Variants in ACOXL observed in about 807,000 individuals in gnomAD.
The protein encoded by ACOXL is acyl-coenzyme A oxidase-like protein.
ACOXL carries 70 observed loss-of-function variants against 71.9 expected under a neutral mutation model. That is an observed-to-expected ratio of 0.97 (90% CI 0.80 to 1.19). The LOEUF (loss-of-function observed/expected upper bound fraction) is 1.19. Ranked by LOEUF, ACOXL falls within the 50% of genes most tolerant of loss-of-function variation. The pLI is 0.00. For missense variants in ACOXL, 703 were observed against 736.3 expected (o/e 0.95, Z 0.52); for synonymous variants, 253 against 281.6 (o/e 0.90, Z 1.02).
intron 11 of ACOXL, among the ~76,000 whole-genome samples, chr2:110,924,386 C>T (rs1446539965): frequency 6.6e-6 from 1 of 152,222 alleles, no homozygotes; most frequent in African/African-American, 2.4e-5. Context: ...TGCCATTTGG[C>T]AGCGTTTTAC....
At chr2:110,818,642 G>A (rs943259344) in intron 9 of ACOXL, among the ~76,000 whole-genome samples, 2 of 151,892 alleles carry the variant, frequency 1.3e-5, no homozygotes, top group African/African-American at 4.8e-5. Flanking sequence ...GGGGATGGGG[G>A]AGATTTAGGT....
intron 12 of ACOXL, among the ~76,000 whole-genome samples, chr2:110,938,513 T>C (rs190958790): frequency 6.6e-5 from 10 of 152,286 alleles, no homozygotes; most frequent in Non-Finnish European, 1.3e-4. Flanking sequence ...ATTTTACAAA[T>C]GAGTAAACTG....
At chr2:111,093,465 T>A in intron 17 of ACOXL, 1 of 1,614,024 alleles carries the variant, frequency 6.2e-7, no homozygotes, top group Non-Finnish European at 8.5e-7. Flanking sequence ...AAAACACATT[T>A]CTGATTACAT....
Position 111,031,675 on chromosome 2 carries a change from C to CT in ACOXL, c.1330_1331insT (p.His444LeufsTer28), listed in dbSNP as rs776820058. ...TTTCCATGCCTGGAACTCGTGTCTGCACCACGTGGCTTCTCTGTCCCTGGC... is the reference window on the plus strand; with the variant it reads ...TTTCCATGCCTGGAACTCGTGTCTGCTACCACGTGGCTTCTCTGTCCCTGGC... On this transcript the variant is annotated frameshift_variant, in exon 15 of 18. Coordinates refer to ENST00000439055, the MANE Select transcript of ACOXL (RefSeq NM_001142807.4). LOFTEE classifies it high-confidence loss of function. 5.6e-6 allele frequency: 9 copies of CT among 1,614,170 alleles called. No individual in the cohort carries two copies. The East Asian group carries it at 2.0e-4, about 36-fold the overall frequency.
intron 1 of ACOXL, among the ~76,000 whole-genome samples, chr2:110,753,430 C>T (rs1679266229): frequency 6.6e-6 from 1 of 152,192 alleles, no homozygotes. Context: ...TCCAGGTGGA[C>T]TATTTATAAG....
At chr2:110,938,666 G>A (rs901400318) in intron 12 of ACOXL, among the ~76,000 whole-genome samples, 13 of 152,142 alleles carry the variant, frequency 8.5e-5, no homozygotes, top group Non-Finnish European at 2.9e-5. Context: ...ATAGACTGAT[G>A]TGCACAGACA....
intron 10 of ACOXL, among the ~76,000 whole-genome samples, chr2:110,850,165 G>T (rs1442623011): frequency 6.6e-6 from 1 of 152,192 alleles, no homozygotes; most frequent in Non-Finnish European, 1.5e-5. Flanking sequence ...CCTTCTGGAA[G>T]AAAACATAGA....
chr2:110,905,245 T>G (rs543507157), intron 10 of ACOXL, among the ~76,000 whole-genome samples: 1 of 151,814 alleles, frequency 6.6e-6, no homozygotes, highest in Admixed American at 6.6e-5. Context: ...AAGTCTCAAT[T>G]TGGGGAGAGG....
intron 1 of ACOXL, among the ~76,000 whole-genome samples, chr2:110,758,201 T>C (rs1318460231): frequency 6.6e-6 from 1 of 152,178 alleles, no homozygotes; most frequent in Non-Finnish European, 1.5e-5. Flanking sequence ...TAGATGCTTG[T>C]AGGTGTGCAG....
chr2:111,081,692 C>CA (rs1334721674), intron 16 of ACOXL, among the ~76,000 whole-genome samples: 9 of 151,986 alleles, frequency 5.9e-5, no homozygotes, highest in African/African-American at 1.9e-4. Flanking sequence ...CATATGGAAC[C>CA]AAAAAAGAGC....
rs377336119 is a variant in ACOXL, at chr2:110,969,370, C to A, written c.1060-17738C>A. 4.6e-5 allele frequency among the ~76,000 whole-genome samples: 7 copies of A among 152,184 alleles called. No homozygotes were observed. In the East Asian group the frequency reaches 1.2e-3, roughly 25 times the overall value. Reference sequence around the variant, plus strand: ...AAGCCAGGAGAACAATAGAGAAAATCCATGAAACAAAAGGCTGGCTCTGAA... The same window carrying A: ...AAGCCAGGAGAACAATAGAGAAAATACATGAAACAAAAGGCTGGCTCTGAA... On this transcript the variant is annotated intron_variant, in intron 12 of 17. Transcript: ENST00000439055.
intron 10 of ACOXL, among the ~76,000 whole-genome samples, chr2:110,890,956 C>T (rs1574009625): frequency 6.6e-6 from 1 of 151,920 alleles, no homozygotes; most frequent in Non-Finnish European, 1.5e-5. Context: ...TCTTTAATTT[C>T]TTTCAACTTT....
At position 110,943,915 on chromosome 2, in the gene ACOXL, T is replaced by C. The variant is rs201727128; in HGVS notation, c.1059+10273T>C. Among the ~76,000 whole-genome samples, 5 of 152,278 alleles carry C rather than the reference T, an allele frequency of 3.3e-5. No individual in the cohort carries two copies. In the East Asian group the frequency reaches 9.7e-4, roughly 29 times the overall value. Reference sequence around the variant, plus strand: ...TTATTAGTGCTTACGTGGAGTAACTTAGCTAATTCTCAAATTGAGTGAATA... The same window carrying C: ...TTATTAGTGCTTACGTGGAGTAACTCAGCTAATTCTCAAATTGAGTGAATA... On this transcript the variant is annotated intron_variant, in intron 12 of 17. Coordinates refer to ENST00000439055, the MANE Select transcript of ACOXL (RefSeq NM_001142807.4).
chr2:110,977,635 G>C (rs1052414376), intron 12 of ACOXL, among the ~76,000 whole-genome samples: 3 of 152,002 alleles, frequency 2.0e-5, no homozygotes, highest in Non-Finnish European at 4.4e-5. Context: ...TAATTTTTTC[G>C]AAACCAGATG....
intron 12 of ACOXL, among the ~76,000 whole-genome samples, chr2:110,972,383 T>C (rs2062234841): frequency 6.6e-6 from 1 of 152,174 alleles, no homozygotes; most frequent in Admixed American, 6.5e-5. Context: ...ACCAATTTGC[T>C]AGACAGATAT....
At chr2:111,013,607 T>C (rs532800628) in intron 14 of ACOXL, among the ~76,000 whole-genome samples, 1 of 152,040 alleles carries the variant, frequency 6.6e-6, no homozygotes, top group Non-Finnish European at 1.5e-5. Flanking sequence ...GCTTTTTTTC[T>C]TTTCTTTTCT....
chr2:110,802,214 CT>C (rs1434846646), intron 8 of ACOXL, among the ~76,000 whole-genome samples: 2 of 151,496 alleles, frequency 1.3e-5, no homozygotes, highest in African/African-American at 4.9e-5. Context: ...GTTTTTTTTC[CT>C]TCCCCCCCCT....
At position 111,057,429 on chromosome 2, in the gene ACOXL, G is replaced by A. The variant is rs55822129; in HGVS notation, c.1440+8141G>A. Among the ~76,000 whole-genome samples the A allele has an allele frequency of 4.6e-3, 700 of 152,256 alleles. 6 individuals are homozygous for A. Among genetic ancestry groups the A allele is most frequent in the African/African-American group, 0.016 (672 of 41,530 alleles). On this transcript the variant is annotated intron_variant, in intron 16 of 17. Coordinates refer to ENST00000439055, the MANE Select transcript of ACOXL (RefSeq NM_001142807.4). ...GCATTCAATATTCCTTCCTTGGCTC[G>A]GAAGACTTTACGGGCCTTCCAGTAG...
chr2:110,979,009 T>G (rs1352333203), intron 12 of ACOXL, among the ~76,000 whole-genome samples: 1 of 152,022 alleles, frequency 6.6e-6, no homozygotes, highest in East Asian at 1.9e-4. Flanking sequence ...ATGAGGAGGC[T>G]TGCTGGAAAT....
Sources: allele counts gnomAD v4.1 joint callset (sites outside exome capture counted in the v4.1 genomes callset), GRCh38; gene constraint gnomAD v4.1.1; transcripts MANE v1.5; gene names NCBI Gene and HGNC (gene_info 2026-07-23, HGNC 2026-07-21).